The following SELENOI variants were observed in gnomAD, a reference collection of about 807,000 sequenced individuals.
The protein encoded by SELENOI is ethanolaminephosphotransferase 1.
A neutral mutation model predicts 50.7 loss-of-function variants in SELENOI; 24 were observed. The observed-to-expected ratio is 0.47, with a 90% confidence interval of 0.34 to 0.67. The LOEUF is 0.67. SELENOI is among the 30% of genes least tolerant of loss of function. SELENOI has a pLI of 0.01. For synonymous variants in SELENOI, 155 were observed against 170.2 expected (o/e 0.91, Z 0.70); for missense variants, 352 against 461.4 (o/e 0.76, Z 2.17).
rs1422619460 is a variant in SELENOI at position 26,383,365 on chromosome 2, T to C, written c.731+18T>C. Reference sequence around the variant, plus strand: ...TTTTTCAGGTAAGTATTTTATTTTTTAAATGGGCAAGAAATATGAAAAGTT... The same window carrying C: ...TTTTTCAGGTAAGTATTTTATTTTTCAAATGGGCAAGAAATATGAAAAGTT... On this transcript the variant is annotated intron_variant, in intron 7 of 9. Coordinates refer to ENST00000260585, the MANE Select transcript of SELENOI (RefSeq NM_033505.4). 6 of 1,494,292 alleles carry C rather than the reference T, an allele frequency of 4.0e-6. No homozygotes were observed. In the South Asian group the frequency reaches 7.4e-5, roughly 18 times the overall value. 92.6% of individuals were successfully genotyped at this position (1,494,292 alleles called of 1,614,324 possible). A position where few individuals can be genotyped will look rare whatever the true frequency, so the allele number is the denominator to read the frequency against.
intron 9 of SELENOI, among the ~76,000 whole-genome samples, chr2:26,387,840 A>C (rs1322332913): frequency 6.6e-6 from 1 of 152,208 alleles, no homozygotes; most frequent in East Asian, 1.9e-4. Flanking sequence ...TATGACTCTT[A>C]AAACACTTCT....
Position 26,389,001 on chromosome 2 carries a change from A to G in SELENOI, c.1096-4A>G, listed in dbSNP as rs1453215141. 1 of 1,575,262 alleles carries G rather than the reference A, an allele frequency of 6.3e-7. No homozygotes were observed. The highest frequency in any genetic ancestry group is 1.2e-5 in the South Asian group (1 of 85,914). On this transcript the variant is annotated splice_polypyrimidine_tract_variant and splice_region_variant and intron_variant, in intron 9 of 9. Coordinates refer to ENST00000260585, the MANE Select transcript of SELENOI (RefSeq NM_033505.4). The stretch of plus-strand genomic sequence containing the variant: ...TCACTGTCTCATGTTCTGATTTTTC[A>G]TAGGTAAAGCAGCTGAGCAGCCATT...
intron 7 of SELENOI, 43 bp downstream of exon 7, chr2:26,383,390 T>C (rs1284984242): frequency 7.2e-7 from 1 of 1,394,164 alleles, no homozygotes; most frequent in Admixed American, 2.1e-5. Flanking sequence ...TATGAAAAGT[T>C]TTAGCAGTTG....
In SELENOI at chr2:26,392,239, T is replaced by C. The variant is rs1013252307; in HGVS notation, c.*3136T>C. ...TATACAAAGGAAAAAGCAGGCATAG[T>C]TTCCACTTTAAAGGGAAGAAGGGAC... On this transcript the variant is annotated 3_prime_UTR_variant, in exon 10 of 10. Coordinates refer to ENST00000260585, the MANE Select transcript of SELENOI (RefSeq NM_033505.4). The C allele has an allele frequency of 6.6e-6, 1 of 152,146 alleles. No homozygotes were observed. Among genetic ancestry groups the C allele is most frequent in the South Asian group, 2.1e-4 (1 of 4,838 alleles). The allele number at this position is 152,146 out of a possible 1,614,324, so 9.4% of individuals were successfully genotyped here.
intron 1 of SELENOI, among the ~76,000 whole-genome samples, chr2:26,352,374 G>A (rs957788691): frequency 6.6e-6 from 1 of 152,126 alleles, no homozygotes; most frequent in Admixed American, 6.6e-5. Context: ...ACTAAGGGGT[G>A]GGGATAAAAA....
In SELENOI at chr2:26,364,326, C is replaced by T. The variant is rs1208270690; in HGVS notation, c.82C>T (p.Leu28Phe). ...GTACAGTGCTGTGGATACCAATCCA[C>T]TTTCTCTGTATGTCATGCATCCATT... is the stretch of plus-strand genomic sequence containing the variant. ...YKYSAVDTNP[L>F]SLYVMHPFWN... Residue 28 changes from leucine to phenylalanine, a missense_variant, in exon 2 of 10, where the codon CTT (leucine) becomes TTT (phenylalanine). Coordinates refer to ENST00000260585, the MANE Select transcript of SELENOI (RefSeq NM_033505.4). 12 of 1,560,280 alleles carry T rather than the reference C, an allele frequency of 7.7e-6. No homozygotes were observed. The highest frequency in any genetic ancestry group is 1.0e-5 in the Non-Finnish European group (12 of 1,149,486).
chr2:26,386,240 G>A, intron 8 of SELENOI, 114 bp from the exon 9 acceptor site: 1 of 1,041,792 alleles, frequency 9.6e-7, no homozygotes, highest in Non-Finnish European at 1.4e-6. Context: ...TAATGTAAGT[G>A]TGTTGGTTCA....
intron 9 of SELENOI, among the ~76,000 whole-genome samples, chr2:26,387,594 G>A (rs1444808084): frequency 6.6e-6 from 1 of 151,710 alleles, no homozygotes; most frequent in Non-Finnish European, 1.5e-5. Context: ...TACTTGGAGG[G>A]CTGAGGTGGG....
rs1678059533 is a variant in SELENOI at position 26,395,068 on chromosome 2, T to C, written c.*5965T>C. 1 of 152,264 alleles carries C rather than the reference T, an allele frequency of 6.6e-6. No homozygotes were observed. The highest frequency in any genetic ancestry group is 6.5e-5 in the Admixed American group (1 of 15,292). 9.4% of individuals were successfully genotyped at this position (152,264 alleles called of 1,614,324 possible). A position where few individuals can be genotyped will look rare whatever the true frequency, so the allele number is the denominator to read the frequency against. On this transcript the variant is annotated 3_prime_UTR_variant, in exon 10 of 10. Transcript: ENST00000260585. ...TGAACATATTAGTCATTGGTCTGTC[T>C]GGGACGTGCAGTGTTCATAGTAGCA...
At chr2:26,379,386 C>T (rs1240809938) in intron 6 of SELENOI, among the ~76,000 whole-genome samples, 3 of 152,054 alleles carry the variant, frequency 2.0e-5, no homozygotes, top group Non-Finnish European at 4.4e-5. Flanking sequence ...TCTGCGTTTT[C>T]CTGGTTGCGG....
chr2:26,388,680 G>C (rs1677899718), intron 9 of SELENOI, among the ~76,000 whole-genome samples: 1 of 152,140 alleles, frequency 6.6e-6, no homozygotes. Context: ...TGAATATAGA[G>C]TCTAACTATA....
chr2:26,360,763 G>T (rs1023055007), intron 1 of SELENOI, among the ~76,000 whole-genome samples: 1 of 152,070 alleles, frequency 6.6e-6, no homozygotes, highest in African/African-American at 2.4e-5. Flanking sequence ...GGAGTGTAGG[G>T]CCCTCCTATC....
intron 6 of SELENOI, among the ~76,000 whole-genome samples, chr2:26,382,843 G>C (rs1327477681): frequency 6.6e-6 from 1 of 151,980 alleles, no homozygotes; most frequent in Non-Finnish European, 1.5e-5. Flanking sequence ...AAAAAGCTAG[G>C]AAGGTAAAAA....
intron 4 of SELENOI, among the ~76,000 whole-genome samples, chr2:26,371,192 C>CA (rs1677432346): frequency 1.3e-5 from 2 of 149,632 alleles, no homozygotes; most frequent in African/African-American, 4.9e-5. Context: ...GGGTGGCTGC[C>CA]GGGCGGAGAT....
At chr2:26,375,957 T>C (rs1677558436) in intron 6 of SELENOI, among the ~76,000 whole-genome samples, 1 of 151,636 alleles carries the variant, frequency 6.6e-6, no homozygotes, top group South Asian at 2.1e-4. Context: ...AAACTAAAGT[T>C]AATCAGGTGT....
At chr2:26,367,245 A>G (rs1273459963) in intron 4 of SELENOI, 25 bp downstream of exon 4, 1 of 1,566,996 alleles carries the variant, frequency 6.4e-7, no homozygotes. Context: ...AATACTTACT[A>G]TAGTCAGTGA....
At position 26,391,529 on chromosome 2, in the gene SELENOI, C is replaced by T. The variant is rs2147966389; in HGVS notation, c.*2426C>T. The stretch of plus-strand genomic sequence containing the variant: ...GCATGATATTGTGGGTGACTTCATG[C>T]CCCAGCCTTTCTCCCCAGCATACAG... On this transcript the variant is annotated 3_prime_UTR_variant, in exon 10 of 10. Transcript: ENST00000260585. 1 of 152,288 alleles carries T rather than the reference C, an allele frequency of 6.6e-6. No homozygotes were observed. The highest frequency in any genetic ancestry group is 2.1e-4 in the South Asian group (1 of 4,824). The allele number at this position is 152,288 out of a possible 1,614,324, so 9.4% of individuals were successfully genotyped here.
intron 1 of SELENOI, among the ~76,000 whole-genome samples, chr2:26,347,097 A>G (rs1422331463): frequency 6.6e-6 from 1 of 152,160 alleles, no homozygotes; most frequent in East Asian, 1.9e-4. Flanking sequence ...TTTACCAATG[A>G]ATGACTCTAA....
intron 4 of SELENOI, among the ~76,000 whole-genome samples, chr2:26,369,738 C>A (rs1463456845): frequency 2.6e-5 from 4 of 152,222 alleles, no homozygotes; most frequent in Non-Finnish European, 5.9e-5. Flanking sequence ...TGGCTCAAAC[C>A]TCCTTTTTGA....
Sources: allele counts gnomAD v4.1 joint callset (sites outside exome capture counted in the v4.1 genomes callset), GRCh38; gene constraint gnomAD v4.1.1; transcripts MANE v1.5; gene names NCBI Gene and HGNC (gene_info 2026-07-23, HGNC 2026-07-21).